The following PIK3C2G variants were observed in gnomAD, a reference collection of about 807,000 sequenced individuals.
PIK3C2G encodes the protein phosphatidylinositol-4-phosphate 3-kinase catalytic subunit type 2 gamma.
Under a neutral mutation model 181.1 loss-of-function variants are expected in PIK3C2G, and 168 were observed. The observed-to-expected ratio is 0.93, with a 90% CI of 0.82 to 1.05. The LOEUF (loss-of-function observed/expected upper bound fraction) is 1.05. PIK3C2G is among the 50% of genes least tolerant of loss of function. The probability of loss-of-function intolerance (pLI) is 0.00; values close to 1 mark genes in which losing one functional copy is unlikely to be tolerated. For synonymous variants in PIK3C2G, 573 were observed against 592.2 expected (o/e 0.97, Z 0.47); for missense variants, 1,869 against 1,732.8 (o/e 1.08, Z -1.40).
At chr12:18,521,730 T>G (rs181959867) in intron 24 of PIK3C2G, among the ~76,000 whole-genome samples, 1 of 152,328 alleles carries the variant, frequency 6.6e-6, no homozygotes, top group East Asian at 1.9e-4. Context: ...GACTGCCGCC[T>G]TTCCCACAAG....
chr12:18,283,606 T>G (rs1406465452), intron 2 of PIK3C2G, among the ~76,000 whole-genome samples: 1 of 152,166 alleles, frequency 6.6e-6, no homozygotes, highest in Non-Finnish European at 1.5e-5. Context: ...TCATGTTTAC[T>G]TGCAAACAAA....
intron 6 of PIK3C2G, among the ~76,000 whole-genome samples, chr12:18,316,069 T>A (rs192919216): frequency 6.6e-6 from 1 of 152,074 alleles, no homozygotes; most frequent in Non-Finnish European, 1.5e-5. Context: ...TTAAATGAAT[T>A]AATTGACAGT....
At chr12:18,640,329 T>C in intron 31 of PIK3C2G, 100 bp from the exon 32 acceptor site, 1 of 966,486 alleles carries the variant, frequency 1.0e-6, no homozygotes, top group Non-Finnish European at 1.5e-6. Context: ...GTGACTGTAA[T>C]AAATCCTGAT....
chr12:18,592,275 A>C (rs749065844), intron 29 of PIK3C2G, among the ~76,000 whole-genome samples: 15 of 151,878 alleles, frequency 9.9e-5, no homozygotes, highest in South Asian at 2.1e-4. Context: ...AGTGAGAAAC[A>C]CTTAAACTTA....
chr12:18,246,029 G>A (rs1175006095), upstream of PIK3C2G, among the ~76,000 whole-genome samples: 1 of 152,056 alleles, frequency 6.6e-6, no homozygotes, highest in East Asian at 1.9e-4. Flanking sequence ...AAGAAGTTAA[G>A]GTTTTAGCTG....
At chr12:18,394,439 A>T (rs1019092600) in intron 15 of PIK3C2G, among the ~76,000 whole-genome samples, 1 of 152,156 alleles carries the variant, frequency 6.6e-6, no homozygotes, top group Non-Finnish European at 1.5e-5. Flanking sequence ...TAGGAAAATA[A>T]TTGGAAAGAA....
At chr12:18,719,546 T>G in the PIK3C2G span, 1 of 1,601,270 alleles carries the variant, frequency 6.2e-7, no homozygotes, top group East Asian at 2.2e-5. Flanking sequence ...TGATAAACTT[T>G]TCTACATTCA....
At position 18,282,151 on chromosome 12, in the gene PIK3C2G, T is replaced by C; in HGVS notation, c.70T>C (p.Phe24Leu). 1 of 1,610,460 alleles carries C rather than the reference T, an allele frequency of 6.2e-7. No homozygotes were observed. Among genetic ancestry groups the C allele is most frequent in the Non-Finnish European group, 8.5e-7 (1 of 1,177,770 alleles). ...CGAAAAGCAGTATGAACACCAAGAA[T>C]TTCTCTTTGTAAATCAACCCCATTC... ...SHEKQYEHQE[F>L]LFVNQPHSSS... is the part of the protein sequence containing the mutation. Residue 24 changes from phenylalanine to leucine, a missense_variant, in exon 2 of 33, where the codon TTT becomes CTT. By Grantham distance (22) the Phe-to-Leu change is conservative. Coordinates refer to ENST00000538779, the MANE Select transcript of PIK3C2G (RefSeq NM_001288772.2).
chr12:18,286,307 A>G (rs1302129056), intron 2 of PIK3C2G, among the ~76,000 whole-genome samples: 2 of 152,042 alleles, frequency 1.3e-5, no homozygotes, highest in Non-Finnish European at 2.9e-5. Context: ...GAGCATTAAT[A>G]GTTTTCTTTA....
At chr12:18,344,358 CT>C (rs1196056774) in intron 10 of PIK3C2G, among the ~76,000 whole-genome samples, 9 of 152,118 alleles carry the variant, frequency 5.9e-5, no homozygotes, top group African/African-American at 1.9e-4. Flanking sequence ...GTTTGAGGAA[CT>C]CCCCCGTCTC....
chr12:18,324,957 G>A (rs1454097942), intron 7 of PIK3C2G, 78 bp from the exon 8 acceptor site: 7 of 709,536 alleles, frequency 9.9e-6, no homozygotes, highest in Non-Finnish European at 1.7e-5. Context: ...AAAACAATTT[G>A]TGATAAATGT....
intron 18 of PIK3C2G, among the ~76,000 whole-genome samples, chr12:18,468,329 C>T (rs1938119815): frequency 2.0e-5 from 3 of 152,130 alleles, no homozygotes; most frequent in African/African-American, 7.2e-5. Context: ...ACTGACACAT[C>T]ACAGGATCAA....
chr12:18,346,214 G>C (rs1939655438), intron 10 of PIK3C2G, among the ~76,000 whole-genome samples: 1 of 152,096 alleles, frequency 6.6e-6, no homozygotes, highest in Non-Finnish European at 1.5e-5. Context: ...TAGTAAACAT[G>C]ATAGCATCAT....
chr12:18,473,781 A>T (rs1456027263), intron 18 of PIK3C2G, among the ~76,000 whole-genome samples: 2 of 152,138 alleles, frequency 1.3e-5, no homozygotes, highest in Non-Finnish European at 2.9e-5. Context: ...TGTTTCACTG[A>T]TGCTTTTGAC....
chr12:18,306,952 A>T (rs1310580641), intron 5 of PIK3C2G, among the ~76,000 whole-genome samples: 1 of 151,614 alleles, frequency 6.6e-6, no homozygotes, highest in Non-Finnish European at 1.5e-5. Context: ...TTTTAGCTTA[A>T]TTCAAATTAT....
At chr12:18,299,456 T>C (rs1363215334) in intron 5 of PIK3C2G, among the ~76,000 whole-genome samples, 1 of 151,932 alleles carries the variant, frequency 6.6e-6, no homozygotes, top group African/African-American at 2.4e-5. Flanking sequence ...ATCTTCAGGT[T>C]TTTCTGAATA....
intron 31 of PIK3C2G, among the ~76,000 whole-genome samples, chr12:18,615,696 A>G (rs936040848): frequency 2.6e-5 from 4 of 151,882 alleles, no homozygotes; most frequent in Admixed American, 1.3e-4. Flanking sequence ...AGTTTCTTTT[A>G]GATTACTTTT....
chr12:18,439,946 ATTG>A (rs1346438071), intron 18 of PIK3C2G, among the ~76,000 whole-genome samples: 1 of 152,078 alleles, frequency 6.6e-6, no homozygotes, highest in Admixed American at 6.6e-5. Flanking sequence ...ATATGAAAAT[ATTG>A]TTATCCTCTT....
At chr12:18,625,925 G>A (rs543348769) in intron 31 of PIK3C2G, among the ~76,000 whole-genome samples, 25 of 151,766 alleles carry the variant, frequency 1.6e-4, no homozygotes, top group Non-Finnish European at 3.1e-4. Context: ...TGAAGTGAAC[G>A]TCTTGCAGAC....
Sources: gnomAD v4.1 joint callset for allele counts (sites outside exome capture counted in the v4.1 genomes callset) on GRCh38, gnomAD v4.1.1 for gene constraint, MANE v1.5 for transcripts, NCBI Gene and HGNC (gene_info 2026-07-23, HGNC 2026-07-21) for gene names.